Variants in DENND4A observed in about 807,000 individuals in gnomAD.
The protein encoded by DENND4A is DENN domain containing 4A, also known as C-myc promoter-binding protein.
In DENND4A, 70 loss-of-function variants were observed where a neutral mutation model predicts 199.3. That is an observed-to-expected ratio of 0.35 (90% CI 0.29 to 0.43). The LOEUF (loss-of-function observed/expected upper bound fraction) is 0.43, where lower values mean the gene tolerates loss of function less well. Among genes scored for constraint, DENND4A ranks in the 20% least tolerant of loss-of-function variants. DENND4A has a pLI of 1.00. For missense variants in DENND4A, 1,723 were observed against 2,255.8 expected (o/e 0.76, Z 4.78); for synonymous variants, 686 against 766.9 (o/e 0.89, Z 1.74).
intron 22 of DENND4A, among the ~76,000 whole-genome samples, chr15:65,692,068 G>A (rs1410723341): frequency 6.7e-6 from 1 of 149,630 alleles, no homozygotes; most frequent in Non-Finnish European, 1.5e-5. Flanking sequence ...TTCCCAAAGT[G>A]CTAGGATTAT....
intron 27 of DENND4A, among the ~76,000 whole-genome samples, chr15:65,669,542 CAT>C (rs1368080861): frequency 1.3e-5 from 2 of 152,042 alleles, no homozygotes. Context: ...TAAACATTAT[CAT>C]ATATACATAC....
intron 1 of DENND4A, among the ~76,000 whole-genome samples, chr15:65,780,919 T>G (rs1193952487): frequency 1.3e-5 from 2 of 152,198 alleles, no homozygotes; most frequent in Non-Finnish European, 2.9e-5. Context: ...TTCCATAAAT[T>G]CTTACTGAGT....
At chr15:65,781,279 G>A (rs1375272262) in intron 1 of DENND4A, among the ~76,000 whole-genome samples, 1 of 152,138 alleles carries the variant, frequency 6.6e-6, no homozygotes, top group Non-Finnish European at 1.5e-5. Context: ...AAGTCATGGA[G>A]AGTTTTAATG....
intron 23 of DENND4A, among the ~76,000 whole-genome samples, chr15:65,681,583 T>G (rs1007587715): frequency 6.6e-6 from 1 of 151,774 alleles, no homozygotes; most frequent in Non-Finnish European, 1.5e-5. Context: ...TTTTTTGTTT[T>G]TTTTTTTTTT....
rs563477543 is a variant in DENND4A, at chr15:65,732,417, A to G, written c.1107+335T>C. On this transcript the variant is annotated intron_variant, in intron 8 of 32. Coordinates refer to ENST00000443035, the MANE Select transcript of DENND4A (RefSeq NM_001320835.1). The stretch of plus-strand genomic sequence containing the variant: ...TCTATGTTTTGAAATTTATGCACAC[A>G]CAACTTTCCCTTAACTTATTAAATA... Among the ~76,000 whole-genome samples, 15 of 152,228 alleles carry G rather than the reference A, an allele frequency of 9.9e-5. No individual in the cohort carries two copies. The South Asian group carries it at 3.1e-3, about 32-fold the overall frequency.
In DENND4A at chr15:65,783,272, G is replaced by A. The variant is rs528319993; in HGVS notation, c.-102+8738C>T. The stretch of plus-strand genomic sequence containing the variant: ...AACAATTCTAAAAGTGCTGTACATG[G>A]ACGATGGGACTGAACAAATAAGTTA... On this transcript the variant is annotated intron_variant, in intron 1 of 32. Coordinates refer to ENST00000443035, the MANE Select transcript of DENND4A (RefSeq NM_001320835.1). 2.0e-5 allele frequency among the ~76,000 whole-genome samples: 3 copies of A among 152,300 alleles called. No homozygotes were observed. In the South Asian group the frequency reaches 6.2e-4, roughly 32 times the overall value.
At chr15:65,730,665 TC>T (rs2075931423) in intron 9 of DENND4A, among the ~76,000 whole-genome samples, 1 of 152,026 alleles carries the variant, frequency 6.6e-6, no homozygotes, top group Admixed American at 6.6e-5. Context: ...TATAGACAGA[TC>T]TATAGAGACA....
intron 7 of DENND4A, among the ~76,000 whole-genome samples, chr15:65,734,876 G>C (rs2076067562): frequency 6.6e-6 from 1 of 152,110 alleles, no homozygotes. Context: ...GAGCCTAGGA[G>C]TTCAAGACCA....
intron 11 of DENND4A, among the ~76,000 whole-genome samples, chr15:65,725,671 T>A (rs77520081): frequency 7.0e-6 from 1 of 143,364 alleles, no homozygotes; most frequent in African/African-American, 2.7e-5. Flanking sequence ...AGTGAGACTC[T>A]GTCTCAAAAA....
intron 29 of DENND4A, among the ~76,000 whole-genome samples, 160 bp from the exon 30 acceptor site, chr15:65,665,622 A>C (rs2076009996): frequency 6.6e-6 from 1 of 152,236 alleles, no homozygotes; most frequent in East Asian, 1.9e-4. Flanking sequence ...TACTACAGGA[A>C]GATGGGCTGT....
At chr15:65,675,720 A>C (rs1314127592) in intron 24 of DENND4A, among the ~76,000 whole-genome samples, 1 of 152,186 alleles carries the variant, frequency 6.6e-6, no homozygotes, top group Non-Finnish European at 1.5e-5. Context: ...GATGGTAAAA[A>C]TCCAAGTGTG....
At chr15:65,678,156 G>A (rs1206516266) in intron 23 of DENND4A, among the ~76,000 whole-genome samples, 1 of 152,086 alleles carries the variant, frequency 6.6e-6, no homozygotes, top group Non-Finnish European at 1.5e-5. Context: ...TTGAATTCCT[G>A]ACCTTAAGTG....
At chr15:65,672,806 T>TG (rs2076256483) in intron 24 of DENND4A, among the ~76,000 whole-genome samples, 1 of 152,136 alleles carries the variant, frequency 6.6e-6, no homozygotes, top group African/African-American at 2.4e-5. Flanking sequence ...AGGTGATCTA[T>TG]GTTATACCTT....
intron 2 of DENND4A, among the ~76,000 whole-genome samples, chr15:65,758,402 C>T (rs889061773): frequency 2.6e-5 from 4 of 152,292 alleles, no homozygotes; most frequent in South Asian, 2.1e-4. Flanking sequence ...CAGCCTTGAC[C>T]ACCTGGGCTC....
In DENND4A at chr15:65,781,405, C is replaced by T. The variant is rs184533705; in HGVS notation, c.-102+10605G>A. ...AAGGTGAATCTCAAGGAGATAAAACCGAAGACAGGAAAACTACGAAAAAGT... is the reference window on the plus strand; with the variant it reads ...AAGGTGAATCTCAAGGAGATAAAACTGAAGACAGGAAAACTACGAAAAAGT... On this transcript the variant is annotated intron_variant, in intron 1 of 32. Coordinates refer to ENST00000443035, the MANE Select transcript of DENND4A (RefSeq NM_001320835.1). Among the ~76,000 whole-genome samples, 41 of 152,004 alleles carry T rather than the reference C, an allele frequency of 2.7e-4. 1 individual carries two copies. Among genetic ancestry groups the T allele is most frequent in the Admixed American group, 2.3e-3 (35 of 15,256 alleles).
At chr15:65,664,864 A>G (rs556151182) in intron 30 of DENND4A, 142 bp from the exon 31 acceptor site, 270 of 710,670 alleles carry the variant, frequency 3.8e-4, no homozygotes, top group Non-Finnish European at 4.4e-4. Context: ...GAATCCAAGA[A>G]TGAAGAAAGC....
rs368359692 is a variant in DENND4A, at chr15:65,671,428, C to T, written c.4464+364G>A. On this transcript the variant is annotated intron_variant, in intron 25 of 32. Coordinates refer to ENST00000443035, the MANE Select transcript of DENND4A (RefSeq NM_001320835.1). ...TTTTTGAGATGGAGTCTTGCTCTGTCGCCCAGGCTAGAGTGCAGTGGCGTG... is the reference window on the plus strand; with the variant it reads ...TTTTTGAGATGGAGTCTTGCTCTGTTGCCCAGGCTAGAGTGCAGTGGCGTG... Among the ~76,000 whole-genome samples, 48 of 152,258 alleles carry T rather than the reference C, an allele frequency of 3.2e-4. No homozygotes were observed. In the East Asian group the frequency reaches 8.7e-3, roughly 28 times the overall value.
At chr15:65,790,788 G>A (rs891146523) in intron 1 of DENND4A, among the ~76,000 whole-genome samples, 1 of 152,104 alleles carries the variant, frequency 6.6e-6, no homozygotes, top group Non-Finnish European at 1.5e-5. Context: ...TCCCAGAACC[G>A]CTATCAACAT....
At chr15:65,782,447 C>A (rs745398459) in intron 1 of DENND4A, among the ~76,000 whole-genome samples, 4 of 152,146 alleles carry the variant, frequency 2.6e-5, no homozygotes, top group African/African-American at 4.8e-5. Flanking sequence ...TACTACTCTT[C>A]GAACTTTTCT....
Sources: gnomAD v4.1 joint callset for allele counts (sites outside exome capture counted in the v4.1 genomes callset) on GRCh38, gnomAD v4.1.1 for gene constraint, MANE v1.5 for transcripts, NCBI Gene and HGNC (gene_info 2026-07-23, HGNC 2026-07-21) for gene names.